The following ATP8A1 variants were observed in gnomAD, a reference collection of about 807,000 sequenced individuals.
ATP8A1 encodes the protein phospholipid-transporting ATPase IA.
ATP8A1 carries 90 observed loss-of-function variants against 177.7 expected under a neutral mutation model. The observed-to-expected ratio is 0.51, with a 90% confidence interval of 0.43 to 0.60. The LOEUF (loss-of-function observed/expected upper bound fraction) is 0.60, where lower values mean the gene tolerates loss of function less well. ATP8A1 is among the 20% of genes least tolerant of loss of function. The pLI, the probability that ATP8A1 is intolerant of heterozygous loss-of-function variation, is 0.00. For missense variants in ATP8A1, 1,072 were observed against 1,392.8 expected (o/e 0.77, Z 3.67); for synonymous variants, 493 against 485.9 (o/e 1.01, Z -0.19).
intron 4 of ATP8A1, among the ~76,000 whole-genome samples, chr4:42,618,733 G>A (rs1737159697): frequency 6.6e-6 from 1 of 152,190 alleles, no homozygotes; most frequent in Non-Finnish European, 1.5e-5. Context: ...GGATAGAATA[G>A]GGTATGTAGC....
In ATP8A1 at chr4:42,507,122, C is replaced by T. The variant is rs139938498; in HGVS notation, c.1980G>A (p.Glu660=). ...NLQLLGATAI[E]DKLQDQVPET... is the part of the protein sequence containing the mutation. The stretch of plus-strand genomic sequence containing the variant: ...CAGGCACTTGATCTTGTAATTTATC[C>T]TCAATGGCTGTTGCTCCAAGTAGCT... The change falls in exon 23 of 37, where the codon GAG becomes GAA. Residue 660 remains glutamate, a synonymous_variant. Transcript: ENST00000381668. The T allele has an allele frequency of 7.8e-4, 1,264 of 1,613,754 alleles. 7 individuals are homozygous for T. The African/African-American group carries it at 0.015, about 20-fold the overall frequency.
chr4:42,550,868 A>G (rs1729437323), intron 18 of ATP8A1, among the ~76,000 whole-genome samples: 1 of 152,200 alleles, frequency 6.6e-6, no homozygotes, highest in Admixed American at 6.5e-5. Context: ...GGGCCTGAGT[A>G]TTTAACTAAA....
At chr4:42,590,782 C>T (rs374698723) in intron 7 of ATP8A1, 29 bp downstream of exon 7, 236 of 1,599,810 alleles carry the variant, frequency 1.5e-4, no homozygotes, top group Non-Finnish European at 1.7e-4. Context: ...CCCACATACA[C>T]GCATCCTATA....
At chr4:42,492,211 T>TCTATA (rs1271061293) in intron 24 of ATP8A1, among the ~76,000 whole-genome samples, 1 of 152,192 alleles carries the variant, frequency 6.6e-6, no homozygotes, top group Non-Finnish European at 1.5e-5. Context: ...GTATCCAGCA[T>TCTATA]CTATACTTAT....
chr4:42,558,241 A>G (rs1730451733), intron 15 of ATP8A1, among the ~76,000 whole-genome samples: 2 of 152,226 alleles, frequency 1.3e-5, no homozygotes, highest in African/African-American at 4.8e-5. Flanking sequence ...GAACCATCAC[A>G]TTAAAAGTAA....
At chr4:42,413,132 G>A in intron 36 of ATP8A1, 119 bp from the exon 37 acceptor site, 3 of 715,272 alleles carry the variant, frequency 4.2e-6, no homozygotes, top group South Asian at 3.5e-5. Flanking sequence ...ACATTCAAAA[G>A]CATGGAGACA....
rs545566513 is a variant in ATP8A1, at chr4:42,555,210, GC to G, written c.1413+757del. Among the ~76,000 whole-genome samples the G allele has an allele frequency of 8.9e-4, 98 of 109,850 alleles. 3 individuals are homozygous for G. The highest frequency in any genetic ancestry group is 8.0e-3 in the South Asian group (28 of 3,496). 72.1% of individuals were successfully genotyped at this position (109,850 alleles called of 152,430 possible). A position where few individuals can be genotyped will look rare whatever the true frequency, so the allele number is the denominator to read the frequency against. On this transcript the variant is annotated intron_variant, in intron 16 of 36. Transcript: ENST00000381668. ...TCTATCTATCTATCCTATTAGTTCT[GC>G]CCCCCCCTAGAGAACCCTAATACAG...
At chr4:42,537,156 C>T (rs552203200) in intron 20 of ATP8A1, among the ~76,000 whole-genome samples, 4 of 149,042 alleles carry the variant, frequency 2.7e-5, no homozygotes, top group African/African-American at 9.9e-5. Flanking sequence ...ACAAAAAAAC[C>T]AAAAAAACCC....
intron 35 of ATP8A1, chr4:42,415,271 T>A (rs1713106441): frequency 6.6e-6 from 1 of 152,258 alleles, no homozygotes; most frequent in African/African-American, 2.4e-5. Flanking sequence ...ACTAATATGG[T>A]ATGACATGTG....
At chr4:42,582,563 A>C (rs116150042) in intron 9 of ATP8A1, among the ~76,000 whole-genome samples, 3,669 of 146,320 alleles carry the variant, frequency 0.025, 60 homozygotes, top group South Asian at 0.048. Context: ...AAGGTGCAAA[A>C]AAATTCCTAA....
intron 24 of ATP8A1, among the ~76,000 whole-genome samples, chr4:42,490,627 C>A (rs1464870217): frequency 1.3e-5 from 2 of 152,178 alleles, no homozygotes; most frequent in Non-Finnish European, 2.9e-5. Flanking sequence ...GCTGGGGTAA[C>A]ACCTGCCTTC....
intron 22 of ATP8A1, among the ~76,000 whole-genome samples, chr4:42,518,843 T>C (rs1286279424): frequency 1.3e-5 from 2 of 152,300 alleles, no homozygotes; most frequent in South Asian, 4.1e-4. Context: ...GGTAACATTC[T>C]GGAAGAATCT....
At chr4:42,458,921 G>A (rs982874073) in intron 27 of ATP8A1, among the ~76,000 whole-genome samples, 1 of 152,194 alleles carries the variant, frequency 6.6e-6, no homozygotes, top group Non-Finnish European at 1.5e-5. Flanking sequence ...AAAACTGAAA[G>A]GAGAGATTCG....
At chr4:42,649,986 C>T (rs535719104) in intron 1 of ATP8A1, among the ~76,000 whole-genome samples, 3 of 152,198 alleles carry the variant, frequency 2.0e-5, no homozygotes, top group African/African-American at 7.2e-5. Context: ...GGGCTCCTTT[C>T]GCTAAGAAGT....
intron 21 of ATP8A1, among the ~76,000 whole-genome samples, chr4:42,523,328 G>A (rs565659947): frequency 1.2e-4 from 19 of 152,212 alleles, no homozygotes; most frequent in Non-Finnish European, 2.1e-4. Flanking sequence ...AGAAGACAAC[G>A]CCCTCACTCC....
At chr4:42,534,797 A>C (rs536654031) in intron 20 of ATP8A1, among the ~76,000 whole-genome samples, 1 of 152,234 alleles carries the variant, frequency 6.6e-6, no homozygotes, top group South Asian at 2.1e-4. Context: ...AACCTATCAG[A>C]TTAACAGCAG....
chr4:42,596,324 C>T (rs1192668527), intron 6 of ATP8A1, among the ~76,000 whole-genome samples: 1 of 152,130 alleles, frequency 6.6e-6, no homozygotes, highest in Non-Finnish European at 1.5e-5. Flanking sequence ...TTTGCAACAT[C>T]AAGGATTATG....
chr4:42,431,973 C>T (rs112477996), intron 33 of ATP8A1, among the ~76,000 whole-genome samples: 4,130 of 152,282 alleles, frequency 0.027, 80 homozygotes, highest in South Asian at 0.086. Flanking sequence ...TCTTTCCAAC[C>T]GCATTGTGGC....
At chr4:42,593,680 A>G (rs34581521) in intron 6 of ATP8A1, among the ~76,000 whole-genome samples, 1,929 of 152,234 alleles carry the variant, frequency 0.013, 40 homozygotes, top group Admixed American at 0.018. Flanking sequence ...TTTTAAACCT[A>G]AAACCATTTG....
Sources: allele counts gnomAD v4.1 joint callset (sites outside exome capture counted in the v4.1 genomes callset), GRCh38; gene constraint gnomAD v4.1.1; transcripts MANE v1.5; gene names NCBI Gene and HGNC (gene_info 2026-07-23, HGNC 2026-07-21).